CDK14: variants seen among roughly 807,000 people sequenced by gnomAD.
CDK14 encodes cyclin-dependent kinase 14.
CDK14 carries 34 observed loss-of-function variants against 60.7 expected under a neutral mutation model. The ratio of observed to expected loss-of-function variants is 0.56; its 90% CI spans 0.43 to 0.75. The LOEUF (loss-of-function observed/expected upper bound fraction) is 0.75, where lower values mean the gene tolerates loss of function less well. Ranked by LOEUF, CDK14 falls within the 30% of genes least tolerant of loss-of-function variation. The probability of loss-of-function intolerance (pLI) is 0.00; values close to 1 mark genes in which losing one functional copy is unlikely to be tolerated. For missense variants in CDK14, 482 were observed against 564.1 expected (o/e 0.85, Z 1.47); for synonymous variants, 197 against 203.7 (o/e 0.97, Z 0.28).
At chr7:90,828,030 G>C (rs1789785697) in intron 5 of CDK14, among the ~76,000 whole-genome samples, 1 of 152,148 alleles carries the variant, frequency 6.6e-6, no homozygotes, top group African/African-American at 2.4e-5. Flanking sequence ...ATATCAAACT[G>C]TCTTAAACGT....
At chr7:90,749,130 A>T (rs138665211) in intron 4 of CDK14, among the ~76,000 whole-genome samples, 22 of 152,334 alleles carry the variant, frequency 1.4e-4, no homozygotes, top group African/African-American at 5.1e-4. Flanking sequence ...AAGTAATAGT[A>T]TTAATTTTGA....
intron 14 of CDK14, among the ~76,000 whole-genome samples, chr7:91,128,502 C>T (rs1191851615): frequency 1.3e-5 from 2 of 152,048 alleles, no homozygotes; most frequent in East Asian, 1.9e-4. Flanking sequence ...GTTCACCTAA[C>T]GTTAAGATTT....
At chr7:91,008,127 C>CA (rs56082719) in intron 10 of CDK14, among the ~76,000 whole-genome samples, 14,852 of 62,364 alleles carry the variant, frequency 0.24, 1,764 homozygotes, top group African/African-American at 0.3. Context: ...GGGAGAAGGC[C>CA]AAAAAAAAAA....
At chr7:90,889,364 G>A (rs1489636945) in intron 6 of CDK14, among the ~76,000 whole-genome samples, 2 of 152,132 alleles carry the variant, frequency 1.3e-5, no homozygotes, top group Admixed American at 1.3e-4. Flanking sequence ...TGTTTTAATG[G>A]AAGGGATTTT....
chr7:90,832,395 C>T (rs756612824), intron 5 of CDK14, among the ~76,000 whole-genome samples: 10 of 152,068 alleles, frequency 6.6e-5, no homozygotes, highest in Non-Finnish European at 1.0e-4. Context: ...CATAAGAGAC[C>T]CCAATGAGAA....
intron 2 of CDK14, among the ~76,000 whole-genome samples, chr7:90,695,376 T>C (rs973644800): frequency 1.3e-5 from 2 of 152,226 alleles, no homozygotes; most frequent in Non-Finnish European, 2.9e-5. Flanking sequence ...ACAATTGAAA[T>C]GTATATTCTC....
intron 5 of CDK14, 114 bp downstream of exon 5, chr7:90,790,766 C>A (rs1269414183): frequency 5.0e-6 from 3 of 598,068 alleles, no homozygotes; most frequent in Admixed American, 6.8e-5. Context: ...TTGTATCTTT[C>A]ATTAAAATGT....
At chr7:91,028,898 C>A (rs1796679954) in intron 10 of CDK14, among the ~76,000 whole-genome samples, 1 of 152,020 alleles carries the variant, frequency 6.6e-6, no homozygotes, top group African/African-American at 2.4e-5. Context: ...CGTAGGTTGT[C>A]TCTTTAATTC....
chr7:90,624,098 T>G (rs1238637351), intron 2 of CDK14, among the ~76,000 whole-genome samples: 3 of 152,176 alleles, frequency 2.0e-5, no homozygotes, highest in Non-Finnish European at 4.4e-5. Context: ...TGTAGTTTCA[T>G]CTCTGTTTTG....
chr7:90,815,393 G>A (rs1227563973), intron 5 of CDK14, among the ~76,000 whole-genome samples: 2 of 152,160 alleles, frequency 1.3e-5, no homozygotes, highest in Non-Finnish European at 2.9e-5. Context: ...AGTTAGAATG[G>A]CAATCATTAA....
At chr7:90,850,110 A>G (rs950973842) in intron 5 of CDK14, among the ~76,000 whole-genome samples, 1 of 152,038 alleles carries the variant, frequency 6.6e-6, no homozygotes, top group African/African-American at 2.4e-5. Flanking sequence ...GCTTCTTTTT[A>G]AAATTCTGTG....
intron 2 of CDK14, among the ~76,000 whole-genome samples, chr7:90,698,616 T>G (rs1178753627): frequency 6.6e-6 from 1 of 152,230 alleles, no homozygotes; most frequent in Non-Finnish European, 1.5e-5. Flanking sequence ...GACAGATTCC[T>G]GCTTCCTGAT....
intron 5 of CDK14, among the ~76,000 whole-genome samples, chr7:90,845,204 A>G (rs1251401611): frequency 5.3e-5 from 8 of 152,140 alleles, no homozygotes; most frequent in African/African-American, 1.2e-4. Flanking sequence ...TATTGAATGA[A>G]TGAATGAGTT....
chr7:91,138,363 G>C (rs539623016), intron 14 of CDK14, among the ~76,000 whole-genome samples: 1 of 152,148 alleles, frequency 6.6e-6, no homozygotes, highest in African/African-American at 2.4e-5. Flanking sequence ...TTTTTAAAAG[G>C]TGTATTTCTT....
At chr7:90,929,294 A>T (rs1241550212) in intron 8 of CDK14, among the ~76,000 whole-genome samples, 2 of 152,168 alleles carry the variant, frequency 1.3e-5, no homozygotes, top group East Asian at 3.9e-4. Flanking sequence ...TGCATTGCTC[A>T]TGCTGGGAGC....
chr7:91,025,247 T>C (rs185259637), intron 10 of CDK14, among the ~76,000 whole-genome samples: 54 of 152,310 alleles, frequency 3.5e-4, no homozygotes, highest in African/African-American at 1.1e-3. Flanking sequence ...ACTGCGGTTG[T>C]ACCTGGCACT....
intron 14 of CDK14, among the ~76,000 whole-genome samples, chr7:91,158,973 G>A (rs1332485029): frequency 6.6e-6 from 1 of 152,168 alleles, no homozygotes; most frequent in Non-Finnish European, 1.5e-5. Flanking sequence ...TTATTTAATA[G>A]CCAACAAATG....
chr7:90,624,593 C>A (rs1799838195), intron 2 of CDK14, among the ~76,000 whole-genome samples: 1 of 152,160 alleles, frequency 6.6e-6, no homozygotes, highest in Admixed American at 6.5e-5. Flanking sequence ...TGGCTAGCAA[C>A]CATCCCCTGA....
intron 8 of CDK14, among the ~76,000 whole-genome samples, chr7:90,929,664 G>C (rs1255731520): frequency 6.6e-6 from 1 of 152,178 alleles, no homozygotes; most frequent in Non-Finnish European, 1.5e-5. Context: ...TATACTTCAT[G>C]TTAATTCCTT....
Sources: gnomAD v4.1 joint callset for allele counts (sites outside exome capture counted in the v4.1 genomes callset) on GRCh38, gnomAD v4.1.1 for gene constraint, MANE v1.5 for transcripts, NCBI Gene and HGNC (gene_info 2026-07-23, HGNC 2026-07-21) for gene names.